The following FAM168A variants were observed in gnomAD, a reference collection of about 807,000 sequenced individuals.
FAM168A encodes the protein family with sequence similarity 168 member A, also known as protein FAM168A.
Under a neutral mutation model 28.5 loss-of-function variants are expected in FAM168A, and 3 were observed. That is an observed-to-expected ratio of 0.11 (90% confidence interval 0.05 to 0.27). The LOEUF (loss-of-function observed/expected upper bound fraction) is 0.27. Among genes scored for constraint, FAM168A ranks in the 10% least tolerant of loss-of-function variants. The pLI is 1.00. For missense variants in FAM168A, 222 were observed against 311.5 expected (o/e 0.71, Z 2.16); for synonymous variants, 122 against 124.2 (o/e 0.98, Z 0.12).
chr11:73,404,436 CTATTAT>C lies in FAM168A; in HGVS notation c.*2321_*2326del, dbSNP rs776353700. On this transcript the variant is annotated 3_prime_UTR_variant, in exon 8 of 8. Transcript: ENST00000356467. ...ATGCACCTGACAAATCCAAAGGTTT[CTATTAT>C]TATTATCATTATTATTATTTTGGCA... The C allele has an allele frequency of 6.6e-5, 10 of 152,186 alleles. No homozygotes were observed. Among genetic ancestry groups the C allele is most frequent in the African/African-American group, 1.7e-4 (7 of 41,434 alleles). The allele number at this position is 152,186 out of a possible 1,614,324, so 9.4% of individuals were successfully genotyped here. A position where few individuals can be genotyped will look rare whatever the true frequency, so the allele number is the denominator to read the frequency against.
intron 1 of FAM168A, among the ~76,000 whole-genome samples, chr11:73,571,773 C>T (rs1477447794): frequency 3.3e-5 from 5 of 151,160 alleles, no homozygotes; most frequent in Admixed American, 6.6e-5. Flanking sequence ...CATCTCTGCC[C>T]GGCCGCCATC....
intron 1 of FAM168A, among the ~76,000 whole-genome samples, chr11:73,558,712 T>C (rs1943918596): frequency 6.6e-6 from 1 of 152,038 alleles, no homozygotes; most frequent in Admixed American, 6.6e-5. Context: ...TTATTAATCA[T>C]TAGAGAAATA....
chr11:73,435,603 A>C lies in FAM168A; in HGVS notation c.71-4833T>G, dbSNP rs1312903678. On this transcript the variant is annotated intron_variant, in intron 2 of 7. Coordinates refer to ENST00000356467, the MANE Select transcript of FAM168A (RefSeq NM_015159.3). ...TACTTTACTTATTTATTTATTTATTAATTACAGGATCTCAAGCATTGCCTG... is the reference window on the plus strand; with the variant it reads ...TACTTTACTTATTTATTTATTTATTCATTACAGGATCTCAAGCATTGCCTG... Among the ~76,000 whole-genome samples, 5 of 151,832 alleles carry C rather than the reference A, an allele frequency of 3.3e-5. No individual in the cohort carries two copies. The East Asian group carries it at 9.6e-4, about 29-fold the overall frequency.
chr11:73,507,463 T>C (rs1014200963), intron 1 of FAM168A, among the ~76,000 whole-genome samples: 23 of 152,134 alleles, frequency 1.5e-4, no homozygotes, highest in African/African-American at 5.1e-4. Flanking sequence ...TAACAGACAC[T>C]GAGGCCTACT....
In FAM168A at chr11:73,415,354, T is replaced by C. The variant is rs1265698551; in HGVS notation, c.278-3818A>G. On this transcript the variant is annotated intron_variant, in intron 4 of 7. Transcript: ENST00000356467. ...AGTAGTTGCTGAAAGAGAGAGCTGT[T>C]TGTGGGGATCTAAGACTCAGTGCTA... 4.6e-5 allele frequency among the ~76,000 whole-genome samples: 7 copies of C among 152,216 alleles called. No individual in the cohort carries two copies. In the East Asian group the frequency reaches 1.3e-3, roughly 29 times the overall value.
intron 1 of FAM168A, among the ~76,000 whole-genome samples, chr11:73,499,569 A>G (rs1490832032): frequency 1.3e-5 from 2 of 152,142 alleles, no homozygotes; most frequent in African/African-American, 4.8e-5. Context: ...GGTAATAAAA[A>G]ACTATGATGA....
At chr11:73,408,244 G>A (rs1358261879) in intron 6 of FAM168A, among the ~76,000 whole-genome samples, 2 of 152,148 alleles carry the variant, frequency 1.3e-5, no homozygotes, top group East Asian at 3.9e-4. Context: ...GTCTGTGGCT[G>A]TGTTTCCCAC....
At chr11:73,557,860 C>T (rs1283022111) in intron 1 of FAM168A, among the ~76,000 whole-genome samples, 1 of 152,086 alleles carries the variant, frequency 6.6e-6, no homozygotes, top group African/African-American at 2.4e-5. Context: ...AGAAATAAAT[C>T]CATACATCTC....
At chr11:73,463,231 T>C (rs1867680124) in intron 2 of FAM168A, among the ~76,000 whole-genome samples, 1 of 152,122 alleles carries the variant, frequency 6.6e-6, no homozygotes, top group Non-Finnish European at 1.5e-5. Context: ...TCCCCCAAAG[T>C]GCTGTCATTA....
At chr11:73,595,227 C>T (rs534184786) in intron 1 of FAM168A, among the ~76,000 whole-genome samples, 1 of 152,294 alleles carries the variant, frequency 6.6e-6, no homozygotes, top group Non-Finnish European at 1.5e-5. Flanking sequence ...ATTACAGTCT[C>T]ACTGAATTAC....
chr11:73,483,434 C>T (rs923409827), intron 1 of FAM168A, among the ~76,000 whole-genome samples: 1 of 152,110 alleles, frequency 6.6e-6, no homozygotes, highest in Non-Finnish European at 1.5e-5. Flanking sequence ...GAAATACTAC[C>T]ACTTAATATA....
chr11:73,557,601 C>T (rs377139443), intron 1 of FAM168A, among the ~76,000 whole-genome samples: 63 of 152,174 alleles, frequency 4.1e-4, no homozygotes, highest in African/African-American at 1.4e-3. Context: ...GATGTCACCT[C>T]CAAAGCAATC....
intron 1 of FAM168A, among the ~76,000 whole-genome samples, chr11:73,574,035 G>T (rs959019271): frequency 6.6e-6 from 1 of 151,752 alleles, no homozygotes; most frequent in Non-Finnish European, 1.5e-5. Flanking sequence ...GAGGCAGGGG[G>T]ATCACTAAGC....
At chr11:73,474,098 C>T (rs1329461531) in intron 1 of FAM168A, among the ~76,000 whole-genome samples, 1 of 152,094 alleles carries the variant, frequency 6.6e-6, no homozygotes, top group Non-Finnish European at 1.5e-5. Flanking sequence ...ACATGGACCA[C>T]CGTGCCCGGC....
At chr11:73,419,720 A>G (rs905937757) in intron 4 of FAM168A, among the ~76,000 whole-genome samples, 154 bp downstream of exon 4, 2 of 152,220 alleles carry the variant, frequency 1.3e-5, no homozygotes, top group South Asian at 4.1e-4. Flanking sequence ...CCTTTCCTGA[A>G]TAAGGAGGGG....
At chr11:73,478,966 C>T (rs928556222) in intron 1 of FAM168A, among the ~76,000 whole-genome samples, 8 of 152,166 alleles carry the variant, frequency 5.3e-5, no homozygotes, top group South Asian at 2.1e-4. Flanking sequence ...GATTCTATTT[C>T]CCAACTTTCC....
At chr11:73,415,668 T>A (rs561287158) in intron 4 of FAM168A, among the ~76,000 whole-genome samples, 1 of 152,354 alleles carries the variant, frequency 6.6e-6, no homozygotes, top group South Asian at 2.1e-4. Context: ...AAAATTCCCC[T>A]GGAGCTATAG....
chr11:73,540,224 T>C (rs901702878), intron 1 of FAM168A, among the ~76,000 whole-genome samples: 1 of 152,226 alleles, frequency 6.6e-6, no homozygotes, highest in Non-Finnish European at 1.5e-5. Context: ...TTAAACTGAT[T>C]TGATAAAAGT....
At chr11:73,595,764 TA>T (rs1944434778) in intron 1 of FAM168A, among the ~76,000 whole-genome samples, 2 of 152,180 alleles carry the variant, frequency 1.3e-5, no homozygotes, top group South Asian at 4.1e-4. Flanking sequence ...CCCCAAAAAA[TA>T]AAATAAAAAT....
Sources: gnomAD v4.1 joint callset for allele counts (sites outside exome capture counted in the v4.1 genomes callset) on GRCh38, gnomAD v4.1.1 for gene constraint, MANE v1.5 for transcripts, NCBI Gene and HGNC (gene_info 2026-07-23, HGNC 2026-07-21) for gene names.